Variants in STON1 observed in about 807,000 individuals in gnomAD.
The protein encoded by STON1 is stonin 1, also known as stonin-1.
STON1 carries 79 observed loss-of-function variants against 60.9 expected under a neutral mutation model. The observed-to-expected ratio is 1.30, with a 90% CI of 1.08 to 1.56. The LOEUF (loss-of-function observed/expected upper bound fraction) is 1.56, where lower values mean the gene tolerates loss of function less well. Among genes scored for constraint, STON1 ranks in the 40% most tolerant of loss-of-function variants. The pLI, the probability that STON1 is intolerant of heterozygous loss-of-function variation, is 0.00. For missense variants in STON1, 1,166 were observed against 858.9 expected, an observed-to-expected ratio of 1.36 and a Z score of -4.47; for synonymous variants, 363 against 306.9, an observed-to-expected ratio of 1.18 and a Z score of -1.91.
intron 1 of STON1, among the ~76,000 whole-genome samples, chr2:48,570,104 G>A (rs1572960334): frequency 1.3e-5 from 2 of 152,208 alleles, no homozygotes; most frequent in South Asian, 2.1e-4. Flanking sequence ...GGAGGCCAAG[G>A]CAGACAGATC....
chr2:48,578,938 C>G (rs1673709527), intron 1 of STON1, among the ~76,000 whole-genome samples: 1 of 151,836 alleles, frequency 6.6e-6, no homozygotes, highest in African/African-American at 2.4e-5. Context: ...GATTAGACAT[C>G]TCTGGTATAA....
intron 1 of STON1, chr2:48,531,719 G>T (rs1671218525): frequency 6.6e-6 from 1 of 152,176 alleles, no homozygotes; most frequent in African/African-American, 2.4e-5. Context: ...GGAGCGAACT[G>T]TGTGAGCATG....
At chr2:48,549,821 AAAAAAAAAAAAAGAG>A (rs1490829360) in intron 1 of STON1, among the ~76,000 whole-genome samples, 2 of 151,302 alleles carry the variant, frequency 1.3e-5, no homozygotes, top group African/African-American at 4.9e-5. Flanking sequence ...AAAAAAAAAA[AAAAAAAAAAAAAGAG>A]AAAAGAAAAA....
intron 2 of STON1, among the ~76,000 whole-genome samples, chr2:48,585,561 T>A (rs1351625345): frequency 6.6e-6 from 1 of 152,184 alleles, no homozygotes; most frequent in East Asian, 1.9e-4. Flanking sequence ...TGCTTTCTTT[T>A]ATAACTTGGC....
intron 1 of STON1, among the ~76,000 whole-genome samples, chr2:48,577,587 A>AG (rs1673589968): frequency 6.6e-6 from 1 of 151,796 alleles, no homozygotes; most frequent in South Asian, 2.1e-4. Context: ...TCTCATAAAA[A>AG]AAAAAAGAAA....
Position 48,596,557 on chromosome 2 carries a change from T to A in STON1, c.*1255T>A, listed in dbSNP as rs1674789052. The A allele has an allele frequency of 6.6e-6, 1 of 152,242 alleles. No individual in the cohort carries two copies. Among genetic ancestry groups the A allele is most frequent in the African/African-American group, 2.4e-5 (1 of 41,466 alleles). The allele number at this position is 152,242 out of a possible 1,614,324, so 9.4% of individuals were successfully genotyped here. ...ATATACCTTCAATTTATGTTGAGTC[T>A]TAAACATAATTAGGAGATATTTTTC... On this transcript the variant is annotated 3_prime_UTR_variant, in exon 4 of 4. Transcript: ENST00000404752.
intron 1 of STON1, among the ~76,000 whole-genome samples, chr2:48,568,471 T>C (rs934499726): frequency 6.6e-6 from 1 of 152,062 alleles, no homozygotes; most frequent in Non-Finnish European, 1.5e-5. Context: ...ACGGCAGAAG[T>C]AGACTCTTGA....
At chr2:48,582,619 C>G (rs1673960112) in intron 2 of STON1, 56 bp downstream of exon 2, 2 of 1,553,876 alleles carry the variant, frequency 1.3e-6, no homozygotes, top group Non-Finnish European at 1.7e-6. Flanking sequence ...AATATTCTTA[C>G]CTTCCTCCTT....
intron 2 of STON1, among the ~76,000 whole-genome samples, chr2:48,587,812 T>C (rs1315312419): frequency 6.6e-6 from 1 of 152,164 alleles, no homozygotes; most frequent in African/African-American, 2.4e-5. Flanking sequence ...TTTATTGAGA[T>C]CAGGTCTGTG....
intron 1 of STON1, among the ~76,000 whole-genome samples, chr2:48,564,493 TTCTTCTTC>T (rs1672800838): frequency 4.7e-5 from 1 of 21,240 alleles, no homozygotes; most frequent in East Asian, 1.4e-3. Flanking sequence ...CTTCTTCTTC[TTCTTCTTC>T]TTCTTCTTCT....
rs370396546 is a variant in STON1 at position 48,595,505 on chromosome 2, G to C, written c.*203G>C. Reference sequence around the variant, plus strand: ...TCATGTGTTTTTGTCCTAGGGGTTCGATCTAAAATGTTTCTATAATTCGTG... The same window carrying C: ...TCATGTGTTTTTGTCCTAGGGGTTCCATCTAAAATGTTTCTATAATTCGTG... On this transcript the variant is annotated 3_prime_UTR_variant, in exon 4 of 4. Transcript: ENST00000404752. The C allele has an allele frequency of 2.5e-5, 13 of 518,932 alleles. No individual in the cohort carries two copies. The highest frequency in any genetic ancestry group is 1.6e-4 in the African/African-American group (8 of 50,752). The allele number at this position is 518,932 out of a possible 1,614,324, so 32.1% of individuals were successfully genotyped here.
intron 1 of STON1, among the ~76,000 whole-genome samples, chr2:48,564,404 T>TTTCTTCTTC (rs1558603749): frequency 2.3e-5 from 3 of 128,534 alleles, no homozygotes; most frequent in Admixed American, 7.8e-5. Flanking sequence ...GCAGTGGCGG[T>TTTCTTCTTC]GTCTTCTTCT....
intron 2 of STON1, among the ~76,000 whole-genome samples, chr2:48,586,340 A>G: frequency 6.6e-6 from 1 of 152,222 alleles, no homozygotes; most frequent in East Asian, 1.9e-4. Flanking sequence ...TTTAAGAGAT[A>G]CAGACACAAA....
intron 1 of STON1, among the ~76,000 whole-genome samples, chr2:48,572,753 C>G (rs1349268295): frequency 6.6e-6 from 1 of 152,172 alleles, no homozygotes; most frequent in East Asian, 1.9e-4. Context: ...TGAGCTCTCA[C>G]CCCTATAGGA....
chr2:48,561,123 C>G (rs762918720), intron 1 of STON1, among the ~76,000 whole-genome samples: 27 of 152,210 alleles, frequency 1.8e-4, no homozygotes, highest in Non-Finnish European at 3.4e-4. Context: ...CACTCTCTAC[C>G]TCTAGCCCTT....
chr2:48,566,325 A>G lies in STON1; in HGVS notation c.-47-14262A>G, dbSNP rs569515548. Among the ~76,000 whole-genome samples, 11 of 152,194 alleles carry G rather than the reference A, an allele frequency of 7.2e-5. No individual in the cohort carries two copies. In the East Asian group the frequency reaches 2.1e-3, roughly 29 times the overall value. ...CAAGTAGCTGGGATTACAGGTGCCC[A>G]CCACCACGCCCGGCTAATTTTTGTA... On this transcript the variant is annotated intron_variant, in intron 1 of 3. Transcript: ENST00000404752.
intron 1 of STON1, among the ~76,000 whole-genome samples, chr2:48,578,348 C>G (rs905776097): frequency 6.6e-6 from 1 of 152,192 alleles, no homozygotes; most frequent in Non-Finnish European, 1.5e-5. Flanking sequence ...AGCCCACAGG[C>G]TACATGTAGT....
Position 48,582,059 on chromosome 2 carries a change from G to C in STON1, c.1426G>C (p.Glu476Gln). 1.2e-6 allele frequency: 2 copies of C among 1,613,560 alleles called. No homozygotes were observed. The highest frequency in any genetic ancestry group is 2.2e-5 in the South Asian group (2 of 91,024). ...TGAATCCTATTATGAGAAGGACTCA[G>C]AAAAAAAGGGGATTGATATTCTTGA... ...RDESYYEKDS[E>Q]KKGIDILDYH... is the part of the protein sequence containing the mutation. The change falls in exon 2 of 4, where the codon GAA (glutamate) becomes CAA (glutamine). Residue 476 changes from glutamate (E) to glutamine (Q), a missense_variant. Glu to Gln is a conservative substitution (Grantham distance 29). Transcript: ENST00000404752.
At chr2:48,565,266 A>T (rs1350830476) in intron 1 of STON1, among the ~76,000 whole-genome samples, 2 of 151,240 alleles carry the variant, frequency 1.3e-5, no homozygotes, top group Admixed American at 1.3e-4. Flanking sequence ...GTTAGCCAGG[A>T]TGGTCTCGAT....
Sources: gnomAD v4.1 joint callset for allele counts (sites outside exome capture counted in the v4.1 genomes callset) on GRCh38, gnomAD v4.1.1 for gene constraint, MANE v1.5 for transcripts, NCBI Gene and HGNC (gene_info 2026-07-23, HGNC 2026-07-21) for gene names.